XKR6: variants seen among roughly 807,000 people sequenced by gnomAD.
XKR6 encodes the protein XK related 6, also known as XK-related protein 6.
XKR6 carries 22 observed loss-of-function variants against 56.7 expected under a neutral mutation model. That is an observed-to-expected ratio of 0.39 (90% CI 0.28 to 0.55). The LOEUF (loss-of-function observed/expected upper bound fraction) is 0.55. Ranked by LOEUF, XKR6 falls within the 20% of genes least tolerant of loss-of-function variation. XKR6 has a pLI of 0.66. For missense variants in XKR6, 852 were observed against 889.0 expected (o/e 0.96, Z 0.53); for synonymous variants, 524 against 387.8 (o/e 1.35, Z -4.13).
rs977618188 is a variant in XKR6, at chr8:11,001,939, C to T, written c.765-77109G>A. ...TCCAGCCCCACCATACCCGTTGCTC[C>T]CCACAGCACTTCCTTCCAGCAGACC... On this transcript the variant is annotated intron_variant, in intron 1 of 2. Transcript: ENST00000416569. Among the ~76,000 whole-genome samples, 4 of 152,136 alleles carry T rather than the reference C, an allele frequency of 2.6e-5. No homozygotes were observed. In the South Asian group the frequency reaches 8.3e-4, roughly 31 times the overall value.
intron 1 of XKR6, among the ~76,000 whole-genome samples, chr8:11,054,568 C>T (rs957338301): frequency 3.3e-5 from 5 of 152,204 alleles, no homozygotes; most frequent in African/African-American, 4.8e-5. Flanking sequence ...TAAGCACACA[C>T]GCATGCCTGC....
chr8:11,130,707 G>T (rs532162582), intron 1 of XKR6, among the ~76,000 whole-genome samples: 3 of 151,512 alleles, frequency 2.0e-5, no homozygotes, highest in East Asian at 2.0e-4. Context: ...TACAGATTGT[G>T]TATCTTCCAT....
chr8:11,137,762 G>T (rs1462410487), intron 1 of XKR6: 1 of 451,282 alleles, frequency 2.2e-6, no homozygotes, highest in Non-Finnish European at 4.4e-6. Context: ...TCCTGCTCCG[G>T]TCCTCTTTCT....
intron 2 of XKR6, among the ~76,000 whole-genome samples, chr8:10,914,123 A>G (rs1477126106): frequency 3.3e-5 from 5 of 152,126 alleles, no homozygotes; most frequent in African/African-American, 1.2e-4. Context: ...GAATGGGTCT[A>G]TGGGTGTAAG....
chr8:11,133,568 G>C (rs1800226240), intron 1 of XKR6, among the ~76,000 whole-genome samples: 1 of 151,768 alleles, frequency 6.6e-6, no homozygotes, highest in Non-Finnish European at 1.5e-5. Context: ...ACTGAAAAAG[G>C]AATAAATGCT....
At chr8:11,132,099 G>C (rs1800132102) in intron 1 of XKR6, among the ~76,000 whole-genome samples, 1 of 152,112 alleles carries the variant, frequency 6.6e-6, no homozygotes, top group South Asian at 2.1e-4. Context: ...CCGAGATTCT[G>C]ATGCAGTAGG....
At chr8:11,122,410 A>G (rs1799500852) in intron 1 of XKR6, among the ~76,000 whole-genome samples, 1 of 152,286 alleles carries the variant, frequency 6.6e-6, no homozygotes, top group South Asian at 2.1e-4. Flanking sequence ...TGAACCATTC[A>G]GCAGGATGAC....
chr8:11,072,850 G>C (rs915628394), intron 1 of XKR6, among the ~76,000 whole-genome samples: 15 of 151,892 alleles, frequency 9.9e-5, no homozygotes, highest in African/African-American at 3.6e-4. Flanking sequence ...AGGGGTTTGA[G>C]ACCAGCCTGG....
At chr8:11,175,102 G>T (rs1802587759) in intron 1 of XKR6, 1 of 152,342 alleles carries the variant, frequency 6.6e-6, no homozygotes, top group African/African-American at 2.4e-5. Flanking sequence ...AAATCAAGAG[G>T]TTTAAATCTT....
intron 1 of XKR6, among the ~76,000 whole-genome samples, chr8:11,075,134 A>C (rs1371269477): frequency 1.3e-5 from 2 of 152,272 alleles, no homozygotes; most frequent in East Asian, 3.9e-4. Context: ...GGAGCCCATC[A>C]TGTGGGGAGC....
At chr8:11,067,625 T>G (rs1200047920) in intron 1 of XKR6, among the ~76,000 whole-genome samples, 2 of 152,254 alleles carry the variant, frequency 1.3e-5, no homozygotes, top group African/African-American at 2.4e-5. Flanking sequence ...CAGTGCTGAT[T>G]CTCTTCCTGT....
chr8:11,154,414 CG>C (rs1207558092), intron 1 of XKR6, among the ~76,000 whole-genome samples: 10 of 152,360 alleles, frequency 6.6e-5, no homozygotes, highest in South Asian at 4.1e-4. Flanking sequence ...AAGAGGAGAA[CG>C]GAAGATTCAC....
At chr8:10,950,349 A>G (rs1801680739) in intron 1 of XKR6, among the ~76,000 whole-genome samples, 1 of 152,222 alleles carries the variant, frequency 6.6e-6, no homozygotes, top group African/African-American at 2.4e-5. Context: ...AGGGAGCACA[A>G]GCTCTTTGTA....
chr8:10,967,510 G>A (rs1348794933), intron 1 of XKR6, among the ~76,000 whole-genome samples: 1 of 152,220 alleles, frequency 6.6e-6, no homozygotes, highest in African/African-American at 2.4e-5. Context: ...GGACAGTGCA[G>A]GCAGCACTGA....
chr8:11,127,269 C>T lies in XKR6; in HGVS notation c.764+73307G>A, dbSNP rs564290791. ...GGAGTCACACTGGTTGAGTTCAAGG[C>T]CAAGCTCTACTGCTTTCTTTTCTAA... On this transcript the variant is annotated intron_variant, in intron 1 of 2. Transcript: ENST00000416569. 2.0e-5 allele frequency among the ~76,000 whole-genome samples: 3 copies of T among 152,318 alleles called. No individual in the cohort carries two copies. In the South Asian group the frequency reaches 6.2e-4, roughly 32 times the overall value.
intron 1 of XKR6, among the ~76,000 whole-genome samples, chr8:11,115,634 G>A (rs952013525): frequency 1.4e-4 from 13 of 94,320 alleles, no homozygotes; most frequent in Middle Eastern, 5.1e-3. Flanking sequence ...AATATGATAC[G>A]TTACCAAAAA....
chr8:10,928,479 C>G (rs775582045), intron 1 of XKR6, among the ~76,000 whole-genome samples: 6 of 152,272 alleles, frequency 3.9e-5, no homozygotes, highest in Non-Finnish European at 8.8e-5. Flanking sequence ...CAGCGCTGCT[C>G]TCCCTCGGGA....
At chr8:10,902,874 C>T (rs1159442969) in intron 2 of XKR6, among the ~76,000 whole-genome samples, 1 of 152,214 alleles carries the variant, frequency 6.6e-6, no homozygotes, top group Non-Finnish European at 1.5e-5. Flanking sequence ...GAGGTCAAAA[C>T]TCTTACCCCC....
chr8:11,077,817 G>A (rs1800313673), intron 1 of XKR6, among the ~76,000 whole-genome samples: 1 of 152,224 alleles, frequency 6.6e-6, no homozygotes, highest in Admixed American at 6.5e-5. Context: ...CAGAAATGGA[G>A]TCTGCTGCTG....
Sources: gnomAD v4.1 joint callset for allele counts (sites outside exome capture counted in the v4.1 genomes callset) on GRCh38, gnomAD v4.1.1 for gene constraint, MANE v1.5 for transcripts, NCBI Gene and HGNC (gene_info 2026-07-23, HGNC 2026-07-21) for gene names.